The following AFF2 variants were observed in gnomAD, a reference collection of about 807,000 sequenced individuals.
AFF2 encodes the protein ALF transcription elongation factor 2.
Under a neutral mutation model 76.9 loss-of-function variants are expected in AFF2, and 14 were observed. That is an observed-to-expected ratio of 0.18 (90% CI 0.12 to 0.28). The LOEUF (loss-of-function observed/expected upper bound fraction) is 0.28. Among genes scored for constraint, AFF2 ranks in the 10% least tolerant of loss-of-function variants. The pLI is 1.00. For missense variants in AFF2, 868 were observed against 1,001.1 expected, an observed-to-expected ratio of 0.87 and a Z score of 1.79; for synonymous variants, 398 against 366.7, an observed-to-expected ratio of 1.09 and a Z score of -0.98.
chrX:148,800,934 G>T (rs1557270862), intron 3 of AFF2, among the ~76,000 whole-genome samples: 1 of 112,401 alleles, frequency 8.9e-6, no homozygotes, highest in Non-Finnish European at 1.9e-5. Flanking sequence ...CTAAAGGAAT[G>T]ATTTCTCTCA....
At chrX:148,798,324 G>A (rs970143547) in intron 3 of AFF2, among the ~76,000 whole-genome samples, 11 of 112,022 alleles carry the variant, frequency 9.8e-5, no homozygotes, top group Non-Finnish European at 1.9e-4. Context: ...TCTGAATACT[G>A]TTACAGTGGC....
chrX:148,899,966 C>T (rs937778823), intron 8 of AFF2, among the ~76,000 whole-genome samples: 3 of 109,924 alleles, frequency 2.7e-5, no homozygotes, highest in Non-Finnish European at 5.7e-5. Context: ...ATATATATAA[C>T]CCCCAAAAGA....
At chrX:148,715,273 T>TAGTA (rs2055013442) in intron 3 of AFF2, among the ~76,000 whole-genome samples, 1 of 111,685 alleles carries the variant, frequency 9.0e-6, no homozygotes, top group Non-Finnish European at 1.9e-5. Flanking sequence ...ATCAAGCAAT[T>TAGTA]AGTAAGCATG....
chrX:148,789,653 G>T (rs1481944366), intron 3 of AFF2, among the ~76,000 whole-genome samples: 1 of 111,577 alleles, frequency 9.0e-6, no homozygotes, highest in Non-Finnish European at 1.9e-5. Flanking sequence ...GGCTGTCAAA[G>T]GTTGCCTTGA....
intron 1 of AFF2, among the ~76,000 whole-genome samples, chrX:148,611,381 C>T (rs1434507286): frequency 8.9e-6 from 1 of 112,219 alleles, no homozygotes; most frequent in African/African-American, 3.2e-5. Context: ...TATTTGTATA[C>T]ACATAAGATA....
intron 1 of AFF2, among the ~76,000 whole-genome samples, chrX:148,512,206 A>G (rs1330195292): frequency 6.2e-5 from 7 of 112,624 alleles, no homozygotes; most frequent in Admixed American, 4.7e-4. Flanking sequence ...AATGTTAACT[A>G]TATCTCTTTT....
intron 3 of AFF2, among the ~76,000 whole-genome samples, chrX:148,801,909 G>T (rs1177879918): frequency 9.0e-6 from 1 of 111,092 alleles, no homozygotes; most frequent in Non-Finnish European, 1.9e-5. Context: ...TCCCCACCAT[G>T]CTGCTGAAAC....
intron 11 of AFF2, among the ~76,000 whole-genome samples, 156 bp downstream of exon 11, chrX:148,956,769 A>G (rs1265809417): frequency 1.8e-5 from 2 of 112,789 alleles, no homozygotes; most frequent in Non-Finnish European, 3.7e-5. Context: ...AGTATTTGAC[A>G]TGACCAGAGA....
chrX:148,912,306 C>A (rs993622319), intron 9 of AFF2, among the ~76,000 whole-genome samples: 4 of 111,892 alleles, frequency 3.6e-5, no homozygotes, highest in African/African-American at 9.8e-5. Flanking sequence ...CCCATCAGGC[C>A]CTGGTGTGTG....
intron 19 of AFF2, among the ~76,000 whole-genome samples, chrX:148,985,413 C>G (rs140766620): frequency 1.7e-3 from 174 of 102,498 alleles, no homozygotes; most frequent in African/African-American, 5.8e-3. Flanking sequence ...GCAATCCTCT[C>G]GCTTCAGCCT....
At chrX:148,571,134 C>G (rs1557242464) in intron 1 of AFF2, among the ~76,000 whole-genome samples, 1 of 111,899 alleles carries the variant, frequency 8.9e-6, no homozygotes, top group African/African-American at 3.2e-5. Flanking sequence ...GCACCTCTGG[C>G]ACTTGTGGTA....
At chrX:148,785,180 T>C (rs1164554849) in intron 3 of AFF2, among the ~76,000 whole-genome samples, 1 of 112,299 alleles carries the variant, frequency 8.9e-6, no homozygotes, top group Non-Finnish European at 1.9e-5. Context: ...GGGCTCGCTC[T>C]ACTCATCTTT....
chrX:148,644,073 T>C (rs2054116755), intron 1 of AFF2, among the ~76,000 whole-genome samples: 1 of 111,784 alleles, frequency 8.9e-6, no homozygotes, highest in Non-Finnish European at 1.9e-5. Flanking sequence ...TACAATATTT[T>C]TGACAATCAA....
intron 8 of AFF2, among the ~76,000 whole-genome samples, chrX:148,891,443 G>A (rs2071222556): frequency 9.0e-6 from 1 of 111,658 alleles, no homozygotes; most frequent in Non-Finnish European, 1.9e-5. Flanking sequence ...TTCAATATAA[G>A]CAGCCTAATC....
intron 7 of AFF2, among the ~76,000 whole-genome samples, chrX:148,844,280 G>C (rs1231570994): frequency 9.0e-6 from 1 of 111,621 alleles, no homozygotes; most frequent in African/African-American, 3.3e-5. Context: ...CAGGTCATCA[G>C]GCACCTGTAT....
At position 148,910,985 on chromosome X, in the gene AFF2, T is replaced by G. The variant is rs183596589; in HGVS notation, c.1397+6727T>G. Among the ~76,000 whole-genome samples, 2 of 111,078 alleles carry G rather than the reference T, an allele frequency of 1.8e-5. 1 individual carries two copies. The highest frequency in any genetic ancestry group is 5.7e-4 in the East Asian group (2 of 3,538). On this transcript the variant is annotated intron_variant, in intron 9 of 20. Transcript: ENST00000370460. ...TGGACATTCCACTTCTTTAAAAAAG[T>G]CAAAGCCTGGAAATCTGTTTTATGA...
At chrX:148,648,097 A>T (rs1315955849) in intron 1 of AFF2, among the ~76,000 whole-genome samples, 3 of 112,394 alleles carry the variant, frequency 2.7e-5, no homozygotes, top group Non-Finnish European at 5.6e-5. Context: ...ATGTACTTGA[A>T]GATGGAAGAA....
chrX:148,926,060 A>C (rs1403479212), intron 9 of AFF2, among the ~76,000 whole-genome samples: 12 of 112,227 alleles, frequency 1.1e-4, no homozygotes, highest in Non-Finnish European at 2.1e-4. Context: ...GCATATGGTA[A>C]GTGCTGGATA....
chrX:148,629,405 A>G (rs1402183935), intron 1 of AFF2, among the ~76,000 whole-genome samples: 3 of 112,361 alleles, frequency 2.7e-5, no homozygotes, highest in African/African-American at 9.7e-5. Flanking sequence ...TAATTGCATC[A>G]TTAATCTGTT....
Sources: allele counts gnomAD v4.1 joint callset (sites outside exome capture counted in the v4.1 genomes callset), GRCh38; gene constraint gnomAD v4.1.1; transcripts MANE v1.5; gene names NCBI Gene and HGNC (gene_info 2026-07-23, HGNC 2026-07-21).